Variants in RPS6KC1 observed in about 807,000 individuals in gnomAD.
The protein encoded by RPS6KC1 is inactive ribosomal protein S6 kinase delta-1.
A neutral mutation model predicts 103.8 loss-of-function variants in RPS6KC1; 54 were observed. The ratio of observed to expected loss-of-function variants is 0.52; its 90% CI spans 0.42 to 0.65. The LOEUF is 0.65. Ranked by LOEUF, RPS6KC1 falls within the 30% of genes least tolerant of loss-of-function variation. The pLI is 0.00. For synonymous variants in RPS6KC1, 439 were observed against 438.7 expected (o/e 1.00, Z -0.01); for missense variants, 1,151 against 1,253.8 (o/e 0.92, Z 1.24).
At position 213,159,731 on chromosome 1, in the gene RPS6KC1, C is replaced by T. The variant is rs76176900; in HGVS notation, c.836-8127C>T. ...AGGCACAGCTGCTCTATAGCAAAAG[C>T]AGAGAGATAGATGAGGATTCTCGAA... On this transcript the variant is annotated intron_variant, in intron 6 of 14. Coordinates refer to ENST00000366960, the MANE Select transcript of RPS6KC1 (RefSeq NM_012424.6). Among the ~76,000 whole-genome samples, 15 of 152,264 alleles carry T rather than the reference C, an allele frequency of 9.9e-5. No homozygotes were observed. The South Asian group carries it at 2.9e-3, about 29-fold the overall frequency.
intron 6 of RPS6KC1, among the ~76,000 whole-genome samples, chr1:213,166,618 T>G (rs1000737954): frequency 2.0e-5 from 3 of 152,152 alleles, no homozygotes; most frequent in Non-Finnish European, 4.4e-5. Context: ...AATAGAAATT[T>G]TCCCCCCACC....
At chr1:213,844,898 C>T in the RPS6KC1 span, among the ~76,000 whole-genome samples, 1 of 152,104 alleles carries the variant, frequency 6.6e-6, no homozygotes, top group Admixed American at 6.6e-5. Flanking sequence ...CTACCTCCAC[C>T]CCAGCTGCAC....
chr1:213,380,923 T>A, the RPS6KC1 span, among the ~76,000 whole-genome samples: 2 of 152,032 alleles, frequency 1.3e-5, no homozygotes, highest in African/African-American at 2.4e-5. Context: ...TGCCGTGGGG[T>A]CTTAGGGAAC....
the RPS6KC1 span, among the ~76,000 whole-genome samples, chr1:213,499,625 C>T: frequency 6.6e-6 from 1 of 152,028 alleles, no homozygotes; most frequent in Non-Finnish European, 1.5e-5. Flanking sequence ...GCTTGCTGCT[C>T]ACCTCCTGCT....
chr1:213,267,171 T>C (rs2094930756), intron 14 of RPS6KC1, among the ~76,000 whole-genome samples: 1 of 151,874 alleles, frequency 6.6e-6, no homozygotes, highest in African/African-American at 2.4e-5. Context: ...TGTGTTCTGC[T>C]ATGCGTTGGC....
chr1:213,091,088 C>T (rs548209335), intron 3 of RPS6KC1, among the ~76,000 whole-genome samples: 1 of 151,266 alleles, frequency 6.6e-6, no homozygotes, highest in South Asian at 2.1e-4. Flanking sequence ...GACGGAGTCT[C>T]GCTCTGTTGT....
In RPS6KC1 at chr1:213,128,293, T is replaced by C. The variant is rs142414228; in HGVS notation, c.473-1234T>C. 4.2e-3 allele frequency among the ~76,000 whole-genome samples: 638 copies of C among 152,326 alleles called. 2 individuals carry two copies. Among genetic ancestry groups the C allele is most frequent in the African/African-American group, 0.014 (602 of 41,566 alleles). On this transcript the variant is annotated intron_variant, in intron 5 of 14. Transcript: ENST00000366960. ...ATGCCACTTCTTTCACTAACTTTTTTTGTTTTGGAAAATATAGTTATTTTT... is the reference window on the plus strand; with the variant it reads ...ATGCCACTTCTTTCACTAACTTTTTCTGTTTTGGAAAATATAGTTATTTTT...
At chr1:213,398,557 C>T in the RPS6KC1 span, among the ~76,000 whole-genome samples, 3 of 152,056 alleles carry the variant, frequency 2.0e-5, no homozygotes, top group Non-Finnish European at 4.4e-5. Context: ...GTTGTGACCC[C>T]AGATGCATGT....
the RPS6KC1 span, among the ~76,000 whole-genome samples, chr1:213,412,997 A>T: frequency 6.6e-6 from 1 of 152,218 alleles, no homozygotes; most frequent in African/African-American, 2.4e-5. Context: ...ATGTTTTAAG[A>T]TCCTTGAGGA....
chr1:213,474,584 T>C, the RPS6KC1 span, among the ~76,000 whole-genome samples: 1 of 152,234 alleles, frequency 6.6e-6, no homozygotes, highest in African/African-American at 2.4e-5. Flanking sequence ...CAAAAATATT[T>C]AGTTTTGAAA....
chr1:213,553,609 C>T, the RPS6KC1 span, among the ~76,000 whole-genome samples: 2 of 152,100 alleles, frequency 1.3e-5, no homozygotes, highest in Non-Finnish European at 2.9e-5. Flanking sequence ...ACTCAATGTA[C>T]TTTCCACAGT....
the RPS6KC1 span, among the ~76,000 whole-genome samples, chr1:213,572,012 C>T: frequency 6.6e-6 from 1 of 152,266 alleles, no homozygotes; most frequent in African/African-American, 2.4e-5. Context: ...GGTTGAGCAT[C>T]GCTGCACCGA....
chr1:213,503,769 A>G, the RPS6KC1 span, among the ~76,000 whole-genome samples: 1 of 152,242 alleles, frequency 6.6e-6, no homozygotes, highest in African/African-American at 2.4e-5. Context: ...ATTAGTAAGG[A>G]TATGCAGAAA....
the RPS6KC1 span, among the ~76,000 whole-genome samples, chr1:213,745,519 C>T: frequency 2.6e-5 from 4 of 151,908 alleles, no homozygotes; most frequent in African/African-American, 7.2e-5. Context: ...ATGATGTGAA[C>T]GCAGTGGATT....
At chr1:213,740,942 T>C in the RPS6KC1 span, among the ~76,000 whole-genome samples, 55 of 146,836 alleles carry the variant, frequency 3.7e-4, no homozygotes, top group African/African-American at 1.4e-3. Context: ...TGTACACATA[T>C]ATACATCTCA....
chr1:213,338,721 A>G, the RPS6KC1 span, among the ~76,000 whole-genome samples: 1 of 150,984 alleles, frequency 6.6e-6, no homozygotes, highest in Non-Finnish European at 1.5e-5. Context: ...GACTAATAGA[A>G]TGTGTGGTAG....
chr1:213,824,840 T>G, the RPS6KC1 span, among the ~76,000 whole-genome samples: 1 of 152,230 alleles, frequency 6.6e-6, no homozygotes, highest in South Asian at 2.1e-4. Flanking sequence ...GTGTTGGGTA[T>G]GTTTTTATCA....
chr1:213,601,177 T>A, the RPS6KC1 span, among the ~76,000 whole-genome samples: 12 of 152,090 alleles, frequency 7.9e-5, no homozygotes, highest in African/African-American at 2.9e-4. Context: ...TCAAAATGAA[T>A]TAAATTTGAG....
chr1:213,806,984 A>G, the RPS6KC1 span, among the ~76,000 whole-genome samples: 2 of 151,874 alleles, frequency 1.3e-5, no homozygotes, highest in Non-Finnish European at 2.9e-5. Flanking sequence ...GGTGGTGACA[A>G]AATCTCTCAG....
Sources: gnomAD v4.1 joint callset for allele counts (sites outside exome capture counted in the v4.1 genomes callset) on GRCh38, gnomAD v4.1.1 for gene constraint, MANE v1.5 for transcripts, NCBI Gene and HGNC (gene_info 2026-07-23, HGNC 2026-07-21) for gene names.